The following KIF26B variants were observed in gnomAD, a reference collection of about 807,000 sequenced individuals.
The protein encoded by KIF26B is kinesin-like protein KIF26B.
KIF26B carries 63 observed loss-of-function variants against 151.2 expected under a neutral mutation model. The ratio of observed to expected loss-of-function variants is 0.42; its 90% confidence interval spans 0.34 to 0.51. The LOEUF (loss-of-function observed/expected upper bound fraction) is 0.51. Ranked by LOEUF, KIF26B falls within the 20% of genes least tolerant of loss-of-function variation. The pLI is 0.07. For synonymous variants in KIF26B, 1,357 were observed against 1,262.1 expected, an observed-to-expected ratio of 1.08 and a Z score of -1.59; for missense variants, 2,813 against 2,913.6, an observed-to-expected ratio of 0.97 and a Z score of 0.79.
At chr1:245,229,490 G>A (rs972302365) in intron 2 of KIF26B, among the ~76,000 whole-genome samples, 15 of 152,138 alleles carry the variant, frequency 9.9e-5, no homozygotes, top group African/African-American at 3.6e-4. Context: ...TGACACATTC[G>A]CAGGTAAGAG....
chr1:245,532,998 C>T (rs956853882), intron 4 of KIF26B, among the ~76,000 whole-genome samples: 1 of 152,202 alleles, frequency 6.6e-6, no homozygotes, highest in Non-Finnish European at 1.5e-5. Flanking sequence ...AATATCTTCA[C>T]TGTGTCTGGG....
At chr1:245,184,053 T>TTTTGTTTTTTTTTTTTTTTTTTG (rs1558337171) in intron 2 of KIF26B, among the ~76,000 whole-genome samples, 3 of 78,334 alleles carry the variant, frequency 3.8e-5, no homozygotes, top group African/African-American at 1.4e-4. Context: ...AGTTGTTGTT[T>TTTTGTTTTTTTTTTTTTTTTTTG]TTTTTTTTTT....
In KIF26B at chr1:245,611,812, T is replaced by C; in HGVS notation, c.1934T>C (p.Leu645Pro). 1 of 1,613,624 alleles carries C rather than the reference T, an allele frequency of 6.2e-7. No homozygotes were observed. The highest frequency in any genetic ancestry group is 1.1e-5 in the South Asian group (1 of 91,048). ...TTCCAGCTGCAGAACCAGAGCGAGC[T>C]GCGGGCCCCCACCGCAGAGAAGGCT... ...CGTQLQNQSE[L>P]RAPTAEKAAF... The change falls in exon 9 of 15, where the codon CTG becomes CCG. Residue 645 changes from leucine (L) to proline (P), a missense_variant. Physicochemically the swap from Leu to Pro is moderately conservative, Grantham distance 98. Coordinates refer to ENST00000407071, the MANE Select transcript of KIF26B (RefSeq NM_018012.4).
At chr1:245,325,331 G>A (rs889103859) in intron 2 of KIF26B, among the ~76,000 whole-genome samples, 1 of 152,150 alleles carries the variant, frequency 6.6e-6, no homozygotes, top group African/African-American at 2.4e-5. Context: ...CACTTTCACC[G>A]TGAGCGTCAT....
intron 14 of KIF26B, among the ~76,000 whole-genome samples, chr1:245,701,685 G>GAGTT (rs1434183126): frequency 2.0e-5 from 3 of 152,196 alleles, no homozygotes; most frequent in African/African-American, 4.8e-5. Flanking sequence ...GGCAGCGTAG[G>GAGTT]AGTTACTATT....
chr1:245,577,545 C>G (rs2043131633), intron 5 of KIF26B, among the ~76,000 whole-genome samples: 1 of 152,162 alleles, frequency 6.6e-6, no homozygotes, highest in African/African-American at 2.4e-5. Flanking sequence ...GATGCATCCC[C>G]TACATGGAAG....
intron 2 of KIF26B, among the ~76,000 whole-genome samples, chr1:245,217,729 C>A (rs1167976242): frequency 6.6e-6 from 1 of 151,950 alleles, no homozygotes; most frequent in Non-Finnish European, 1.5e-5. Context: ...TCTCACGATA[C>A]CCGCCTTGCT....
intron 2 of KIF26B, among the ~76,000 whole-genome samples, chr1:245,270,978 T>A (rs1194870457): frequency 3.3e-5 from 5 of 152,184 alleles, no homozygotes; most frequent in Non-Finnish European, 7.3e-5. Context: ...CATGTGGGTA[T>A]CTAGTTTTCC....
At chr1:245,646,365 C>A in intron 10 of KIF26B, 85 bp downstream of exon 10, 1 of 1,433,162 alleles carries the variant, frequency 7.0e-7, no homozygotes, top group Non-Finnish European at 9.5e-7. Context: ...GAGAGGTGTG[C>A]CACAGAGGGA....
intron 3 of KIF26B, among the ~76,000 whole-genome samples, chr1:245,374,830 G>A (rs1673235365): frequency 6.6e-6 from 1 of 152,320 alleles, no homozygotes; most frequent in East Asian, 1.9e-4. Flanking sequence ...TGTTCAGGGT[G>A]AAATTCCAAA....
chr1:245,479,234 C>T (rs1470321172), intron 4 of KIF26B, among the ~76,000 whole-genome samples: 1 of 151,874 alleles, frequency 6.6e-6, no homozygotes, highest in Non-Finnish European at 1.5e-5. Flanking sequence ...GACAAAACAA[C>T]ATAAATGTTG....
Position 245,602,756 on chromosome 1 carries a change from T to C in KIF26B, c.1530T>C (p.Asp510=), listed in dbSNP as rs1408733688. Residue 510 remains aspartate (D), a synonymous_variant, in exon 6 of 15, where the codon GAT becomes GAC. Coordinates refer to ENST00000407071, the MANE Select transcript of KIF26B (RefSeq NM_018012.4). The surrounding 1 kb of genome is among the most constrained non-coding windows in gnomAD (Gnocchi z 4.5). ...TTCCTCCAAAGATGTTTGCCTTCGATGCAGTTTTTCCACAAGACGCTTCTC... is the reference window on the plus strand; with the variant it reads ...TTCCTCCAAAGATGTTTGCCTTCGACGCAGTTTTTCCACAAGACGCTTCTC... ...NQVPPKMFAF[D]AVFPQDASQA... is the part of the protein sequence containing the mutation. The C allele has an allele frequency of 2.5e-6, 4 of 1,613,898 alleles. No homozygotes were observed. The highest frequency in any genetic ancestry group is 3.4e-6 in the Non-Finnish European group (4 of 1,179,906).
intron 9 of KIF26B, among the ~76,000 whole-genome samples, chr1:245,613,580 A>G (rs58890525): frequency 0.02 from 3,050 of 152,278 alleles, 102 homozygotes; most frequent in African/African-American, 0.07. Context: ...CCTGGGTGAC[A>G]GAGCAAGGCT....
chr1:245,682,137 C>T (rs573747024), intron 10 of KIF26B, among the ~76,000 whole-genome samples: 2 of 152,260 alleles, frequency 1.3e-5, no homozygotes, highest in South Asian at 4.1e-4. Context: ...CCCAGCTACT[C>T]CGGAGGCTGA....
At position 245,156,318 on chromosome 1, in the gene KIF26B, C is replaced by T; in HGVS notation, c.100C>T (p.Pro34Ser). 2 of 1,547,584 alleles carry T rather than the reference C, an allele frequency of 1.3e-6. No individual in the cohort carries two copies. The highest frequency in any genetic ancestry group is 1.8e-4 in the Middle Eastern group (1 of 5,690). ...EVCSPTKPAA[P>S]FSPESWYRKA... ...CTGCTCGCCCACCAAGCCCGCAGCG[C>T]CCTTCTCCCCGGAAAGCTGGTACCG... The change falls in exon 2 of 15, where the codon CCC (proline) becomes TCC (serine). Residue 34 changes from proline (P) to serine (S), a missense_variant. This residue lies in a region of KIF26B where 676 missense variants were observed against 688.1 expected (regional missense o/e 0.98). Transcript: ENST00000407071.
chr1:245,451,699 CAA>C (rs1659398495), intron 4 of KIF26B, among the ~76,000 whole-genome samples: 1 of 138,456 alleles, frequency 7.2e-6, no homozygotes, highest in Non-Finnish European at 1.5e-5. Context: ...CTCCTGGGTT[CAA>C]AAATTCTCCT....
At chr1:245,569,013 T>C (rs1335598464) in intron 5 of KIF26B, among the ~76,000 whole-genome samples, 1 of 152,216 alleles carries the variant, frequency 6.6e-6, no homozygotes, top group African/African-American at 2.4e-5. Flanking sequence ...TGCCCCGTGC[T>C]CACTGGGCTC....
chr1:245,393,878 C>G (rs374264562), intron 3 of KIF26B, among the ~76,000 whole-genome samples: 14 of 151,924 alleles, frequency 9.2e-5, no homozygotes, highest in Admixed American at 2.6e-4. Flanking sequence ...TCTCCAAGAA[C>G]AAACCTTTAA....
At chr1:245,471,127 G>GT (rs1439688743) in intron 4 of KIF26B, among the ~76,000 whole-genome samples, 5 of 144,890 alleles carry the variant, frequency 3.5e-5, no homozygotes, top group Non-Finnish European at 7.7e-5. Flanking sequence ...GTGTGTGTGT[G>GT]TGTGTATATA....
Sources: allele counts gnomAD v4.1 joint callset (sites outside exome capture counted in the v4.1 genomes callset), GRCh38; gene constraint gnomAD v4.1.1; regional missense constraint gnomAD v4.1.1; non-coding constraint Gnocchi (gnomAD v3.1); transcripts MANE v1.5; gene names NCBI Gene and HGNC (gene_info 2026-07-23, HGNC 2026-07-21).